Variants in RBM10 observed in about 807,000 individuals in gnomAD.
The protein encoded by RBM10 is RNA binding motif protein 10.
In RBM10, 1 loss-of-function variant was observed where a neutral mutation model predicts 84.9. That is an observed-to-expected ratio of 0.01 (90% CI 0.00 to 0.06). RBM10 has a LOEUF of 0.06. Among genes scored for constraint, RBM10 ranks in the 10% least tolerant of loss-of-function variants. The pLI is 1.00. For synonymous variants in RBM10, 326 were observed against 344.5 expected (o/e 0.95, Z 0.60); for missense variants, 438 against 839.0 (o/e 0.52, Z 5.90).
chrX:47,173,614 G>A lies in RBM10; in HGVS notation c.502+417G>A, dbSNP rs782117604. ...CCTCTGACCAGAAAGTAGCTCTGAC[G>A]TGGTGGTCCCACATGTGTGTCCCAA... On this transcript the variant is annotated intron_variant, in intron 5 of 23. Coordinates refer to ENST00000377604, the MANE Select transcript of RBM10 (RefSeq NM_005676.5). Among the ~76,000 whole-genome samples, 171 of 112,426 alleles carry A rather than the reference G, an allele frequency of 1.5e-3. 2 individuals carry two copies. The highest frequency in any genetic ancestry group is 5.2e-3 in the African/African-American group (161 of 30,942).
At position 47,186,308 on chromosome X, in the gene RBM10, G is replaced by A. The variant is rs1432059275; in HGVS notation, c.2588G>A (p.Ser863Asn). ...GGGCTGGGCAGTGACAACATTGGCA[G>A]TCGGATGCTGCAGGCCATGGGCTGG... is the stretch of plus-strand genomic sequence containing the variant. ...RDGLGSDNIG[S>N]RMLQAMGWKE... Residue 863 changes from serine to asparagine, a missense_variant, in exon 23 of 24, where the codon AGT becomes AAT. Coordinates refer to ENST00000377604, the MANE Select transcript of RBM10 (RefSeq NM_005676.5). 2 of 1,205,644 alleles carry A rather than the reference G, an allele frequency of 1.7e-6. No homozygotes were observed. Among genetic ancestry groups the A allele is most frequent in the African/African-American group, 1.7e-5 (1 of 57,964 alleles).
At chrX:47,174,909 C>T in intron 5 of RBM10, 110 bp from the exon 6 acceptor site, 1 of 587,355 alleles carries the variant, frequency 1.7e-6, no homozygotes, top group Non-Finnish European at 2.9e-6. Context: ...TCCTCTTCCC[C>T]TTTCCCTCTC....
Position 47,164,071 on chromosome X carries a change from G to A in RBM10, c.18-5244G>A, listed in dbSNP as rs782446066. Among the ~76,000 whole-genome samples, 152 of 108,115 alleles carry A rather than the reference G, an allele frequency of 1.4e-3. 2 individuals carry two copies. Among genetic ancestry groups the A allele is most frequent in the African/African-American group, 5.0e-3 (147 of 29,586 alleles). 93.9% of individuals were successfully genotyped at this position (108,115 alleles called of 115,157 possible). A position where few individuals can be genotyped will look rare whatever the true frequency, so the allele number is the denominator to read the frequency against. On this transcript the variant is annotated intron_variant, in intron 2 of 23. Transcript: ENST00000377604. ...TTTTTAGTAGAGACGGGGTTTCACCGTGTTAGCCAGGATTGTCTCGATCTC... is the reference window on the plus strand; with the variant it reads ...TTTTTAGTAGAGACGGGGTTTCACCATGTTAGCCAGGATTGTCTCGATCTC...
rs375788642 is a variant in RBM10 at position 47,185,821 on chromosome X, C to G, written c.2430+31C>G. On this transcript the variant is annotated intron_variant, in intron 21 of 23. Coordinates refer to ENST00000377604, the MANE Select transcript of RBM10 (RefSeq NM_005676.5). ...GTGTGACCTGACCCTGGGCTCCCTC[C>G]CCTGTGTCCCTTCCAAGTCCCCATC... The G allele has an allele frequency of 5.0e-6, 6 of 1,204,621 alleles. No homozygotes were observed. In the East Asian group the frequency reaches 1.8e-4, roughly 36 times the overall value.
intron 2 of RBM10, chrX:47,157,126 C>T: frequency 8.3e-6 from 2 of 241,177 alleles, no homozygotes; most frequent in South Asian, 9.8e-5. Flanking sequence ...TGCTCTTGAA[C>T]AGACCAGACC....
intron 2 of RBM10, chrX:47,157,495 C>A (rs1175469806): frequency 2.5e-6 from 1 of 401,025 alleles, no homozygotes. Context: ...AGGCTTGTGA[C>A]CTCCATGAAG....
intron 4 of RBM10, 92 bp from the exon 5 acceptor site, chrX:47,173,036 G>A: frequency 8.3e-7 from 1 of 1,199,701 alleles, no homozygotes; most frequent in African/African-American, 1.7e-5. Flanking sequence ...CATCACCGAT[G>A]ACCCCTCGGG....
At chrX:47,174,765 G>A (rs1478522648) in intron 5 of RBM10, among the ~76,000 whole-genome samples, 3 of 111,052 alleles carry the variant, frequency 2.7e-5, no homozygotes, top group African/African-American at 9.8e-5. Context: ...GTTGGTGTGT[G>A]TGTCTCTCCC....
intron 2 of RBM10, among the ~76,000 whole-genome samples, chrX:47,150,254 C>T (rs1556763277): frequency 9.0e-6 from 1 of 111,087 alleles, no homozygotes; most frequent in East Asian, 2.8e-4. Flanking sequence ...CTGCAAACTT[C>T]GCCTCCCGGG....
chrX:47,149,517 C>T (rs1448060937), intron 2 of RBM10, among the ~76,000 whole-genome samples: 1 of 110,775 alleles, frequency 9.0e-6, no homozygotes, highest in South Asian at 3.8e-4. Flanking sequence ...TGTGCCACCA[C>T]GCCTGGCTAA....
chrX:47,177,158 A>G (rs191641521), intron 7 of RBM10, among the ~76,000 whole-genome samples: 1 of 112,615 alleles, frequency 8.9e-6, no homozygotes, highest in East Asian at 2.8e-4. Flanking sequence ...ACACAGTCGA[A>G]TTGTTAACTG....
chrX:47,176,357 C>A, intron 6 of RBM10, 143 bp from the exon 7 acceptor site: 1 of 1,060,999 alleles, frequency 9.4e-7, no homozygotes, highest in Non-Finnish European at 1.3e-6. Flanking sequence ...CTCCCTTCTT[C>A]CCTCCATCCG....
rs35919377 is a variant in RBM10, at chrX:47,163,859, A to ATTTT, written c.18-5432_18-5429dup. On this transcript the variant is annotated intron_variant, in intron 2 of 23. Transcript: ENST00000377604. ...AGGCGCCTGCCACCACGCCTGGCTA[A>ATTTT]TTTTTTTTTTTTTTTTTTTTTTTTT... Among the ~76,000 whole-genome samples, 308 of 40,107 alleles carry ATTTT rather than the reference A, an allele frequency of 7.7e-3. 47 individuals are homozygous for ATTTT. Among genetic ancestry groups the ATTTT allele is most frequent in the African/African-American group, 0.043 (266 of 6,223 alleles). The allele number at this position is 40,107 out of a possible 115,157, so 34.8% of individuals were successfully genotyped here. A position where few individuals can be genotyped will look rare whatever the true frequency, so the allele number is the denominator to read the frequency against.
rs782470006 is a variant in RBM10 at position 47,181,841 on chromosome X, T to G, written c.1668T>G (p.Thr556=). The change falls in exon 15 of 24, where the codon ACT becomes ACG. Residue 556 remains threonine, a synonymous_variant. Coordinates refer to ENST00000377604, the MANE Select transcript of RBM10 (RefSeq NM_005676.5). Reference sequence around the variant, plus strand: ...CTCTCCCACCGGCTACCAGCCCCACTGCCCAGGAATCCTACAGCCAGTACC... The same window carrying G: ...CTCTCCCACCGGCTACCAGCCCCACGGCCCAGGAATCCTACAGCCAGTACC... ...SSALPPATSP[T]AQESYSQYPV... The G allele has an allele frequency of 8.3e-6, 10 of 1,209,718 alleles. No individual in the cohort carries two copies. The South Asian group carries it at 1.8e-4, about 21-fold the overall frequency.
chrX:47,165,532 AAAG>A (rs1267710297), intron 2 of RBM10, among the ~76,000 whole-genome samples: 4 of 78,013 alleles, frequency 5.1e-5, no homozygotes, highest in South Asian at 6.4e-4. Context: ...AAAAAAAAAA[AAAG>A]AGGCTGGGCG....
At chrX:47,160,101 C>T (rs1257126862) in intron 2 of RBM10, among the ~76,000 whole-genome samples, 3 of 111,686 alleles carry the variant, frequency 2.7e-5, no homozygotes, top group African/African-American at 9.8e-5. Flanking sequence ...TGTGCCATTG[C>T]ACTCCAGCCT....
intron 2 of RBM10, among the ~76,000 whole-genome samples, chrX:47,163,517 G>A (rs782190517): frequency 4.5e-5 from 5 of 111,400 alleles, no homozygotes; most frequent in Admixed American, 1.9e-4. Context: ...ATGAGTTTTC[G>A]GTATGTTGCC....
intron 21 of RBM10, 93 bp downstream of exon 21, chrX:47,185,883 AC>A: frequency 8.5e-7 from 1 of 1,175,095 alleles, no homozygotes; most frequent in Non-Finnish European, 1.1e-6. Flanking sequence ...TCACGTGTTA[AC>A]CCCGTGAGCC....
chrX:47,158,819 C>CT (rs1343527328), intron 2 of RBM10, among the ~76,000 whole-genome samples: 2 of 112,273 alleles, frequency 1.8e-5, no homozygotes, highest in Non-Finnish European at 3.8e-5. Context: ...CCATGCCCCC[C>CT]TTCCCACCTT....
Sources: gnomAD v4.1 joint callset for allele counts (sites outside exome capture counted in the v4.1 genomes callset) on GRCh38, gnomAD v4.1.1 for gene constraint, MANE v1.5 for transcripts, NCBI Gene and HGNC (gene_info 2026-07-23, HGNC 2026-07-21) for gene names.